The following TEX29 variants were observed in gnomAD, a reference collection of about 807,000 sequenced individuals.
TEX29 encodes testis expressed 29.
Under a neutral mutation model 18.2 loss-of-function variants are expected in TEX29, and 26 were observed. That is an observed-to-expected ratio of 1.43 (90% CI 1.04 to 1.98). The LOEUF (loss-of-function observed/expected upper bound fraction) is 1.98. TEX29 is among the 30% of genes most tolerant of loss of function. TEX29 has a pLI of 0.00. For synonymous variants in TEX29, 83 were observed against 78.5 expected (o/e 1.06, Z -0.31); for missense variants, 177 against 194.2 (o/e 0.91, Z 0.53).
chr13:111,340,010 G>A, intron 4 of TEX29, 78 bp downstream of exon 4: 1 of 1,367,862 alleles, frequency 7.3e-7, no homozygotes, highest in Non-Finnish European at 1.0e-6. Context: ...CTGCCTGCCT[G>A]GGCTCCTTCG....
At chr13:111,332,799 C>A (rs564588759) in intron 3 of TEX29, among the ~76,000 whole-genome samples, 1 of 151,850 alleles carries the variant, frequency 6.6e-6, no homozygotes, top group African/African-American at 2.4e-5. Flanking sequence ...TTTTCAAATT[C>A]TTTTTCTGCA....
At chr13:111,327,342 A>G (rs955161481) in intron 2 of TEX29, among the ~76,000 whole-genome samples, 4 of 152,236 alleles carry the variant, frequency 2.6e-5, no homozygotes, top group Non-Finnish European at 5.9e-5. Context: ...GGGCTCCTCA[A>G]GGGTCAAGAA....
At chr13:111,342,211 G>A (rs950461525) in intron 4 of TEX29, among the ~76,000 whole-genome samples, 20 of 152,184 alleles carry the variant, frequency 1.3e-4, no homozygotes, top group African/African-American at 4.6e-4. Context: ...GATTATTTGA[G>A]TCTCTTTGTC....
At chr13:111,328,406 T>A in intron 3 of TEX29, 113 bp downstream of exon 3, 1 of 728,018 alleles carries the variant, frequency 1.4e-6, no homozygotes, top group East Asian at 2.7e-5. Context: ...GGAAACACCT[T>A]TGTATTGTTC....
chr13:111,329,246 A>G (rs2093679036), intron 3 of TEX29, among the ~76,000 whole-genome samples: 1 of 152,110 alleles, frequency 6.6e-6, no homozygotes, highest in South Asian at 2.1e-4. Context: ...GGAACAGTGC[A>G]GCCCTTACCG....
At chr13:111,334,878 C>T (rs1222780659) in intron 3 of TEX29, among the ~76,000 whole-genome samples, 2 of 152,160 alleles carry the variant, frequency 1.3e-5, no homozygotes, top group African/African-American at 4.8e-5. Flanking sequence ...CTGTTCTGCC[C>T]GCTGCAGTGG....
At chr13:111,326,150 C>T (rs927233213) in intron 2 of TEX29, among the ~76,000 whole-genome samples, 10 of 149,256 alleles carry the variant, frequency 6.7e-5, no homozygotes, top group African/African-American at 9.9e-5. Context: ...GGTGGAAGAG[C>T]GTTCGGGCAT....
intron 3 of TEX29, among the ~76,000 whole-genome samples, chr13:111,328,709 C>G (rs529011330): frequency 6.6e-6 from 1 of 152,300 alleles, no homozygotes; most frequent in East Asian, 1.9e-4. Flanking sequence ...CGGACCTTGT[C>G]CACCAGGGGC....
At chr13:111,319,196 T>C (rs541233434), upstream of TEX29, among the ~76,000 whole-genome samples, 1 of 152,314 alleles carries the variant, frequency 6.6e-6, no homozygotes, top group African/African-American at 2.4e-5. Flanking sequence ...TCCCAGCGTG[T>C]GACCCGGCAA....
At chr13:111,328,890 C>G (rs550617024) in intron 3 of TEX29, among the ~76,000 whole-genome samples, 2 of 152,224 alleles carry the variant, frequency 1.3e-5, no homozygotes, top group Non-Finnish European at 2.9e-5. Flanking sequence ...CACTCCCCAT[C>G]CCCGTGAAGG....
At chr13:111,330,236 G>A (rs2093680650) in intron 3 of TEX29, among the ~76,000 whole-genome samples, 1 of 152,190 alleles carries the variant, frequency 6.6e-6, no homozygotes, top group African/African-American at 2.4e-5. Context: ...GAGATGAAAG[G>A]GATATTCTGG....
chr13:111,320,995 T>TGGGGGGGGGCAGCAGTG, intron 2 of TEX29, 47 bp downstream of exon 2: 1 of 320,864 alleles, frequency 3.1e-6, no homozygotes, highest in Non-Finnish European at 5.8e-6. Context: ...GGGGAGCAGT[T>TGGGGGGGGGCAGCAGTG]GGGGGGGGGC....
At position 111,328,169 on chromosome 13, in the gene TEX29, C is replaced by A; in HGVS notation, c.59-14C>A. 6.4e-7 allele frequency: 1 copy of A among 1,567,002 alleles called. No individual in the cohort carries two copies. The highest frequency in any genetic ancestry group is 8.8e-7 in the Non-Finnish European group (1 of 1,137,942). Reference sequence around the variant, plus strand: ...TTTCGGGGGTGACACTTGTGTATGTCTGTGCTTTTGCAGTGTGTGACGTTC... The same window carrying A: ...TTTCGGGGGTGACACTTGTGTATGTATGTGCTTTTGCAGTGTGTGACGTTC... On this transcript the variant is annotated splice_polypyrimidine_tract_variant and intron_variant, in intron 2 of 5. Coordinates refer to ENST00000283547, the MANE Select transcript of TEX29 (RefSeq NM_152324.3).
Position 111,339,933 on chromosome 13 carries a change from G to A in TEX29, c.239+1G>A. ...CCTTCGTCATCACCATCATCTACAG[G>A]TCGGTCCCTTTGTTCTTTACTGGGA... On this transcript the variant is annotated splice_donor_variant, in intron 4 of 5. Coordinates refer to ENST00000283547, the MANE Select transcript of TEX29 (RefSeq NM_152324.3). LOFTEE classifies it high-confidence loss of function. 1 of 1,609,238 alleles carries A rather than the reference G, an allele frequency of 6.2e-7. No homozygotes were observed. The highest frequency in any genetic ancestry group is 8.5e-7 in the Non-Finnish European group (1 of 1,176,200).
rs571032022 is a variant in TEX29 at position 111,343,589 on chromosome 13, T to A, written c.416-494T>A. Among the ~76,000 whole-genome samples, 10 of 152,326 alleles carry A rather than the reference T, an allele frequency of 6.6e-5. No individual in the cohort carries two copies. The South Asian group carries it at 2.1e-3, about 32-fold the overall frequency. On this transcript the variant is annotated intron_variant, in intron 5 of 5. Transcript: ENST00000283547. Reference sequence around the variant, plus strand: ...GGGGCCCTTGGAGGTTGCCGGTTGCTTTTCCTAGATCAGCACCTTGCCAGG... The same window carrying A: ...GGGGCCCTTGGAGGTTGCCGGTTGCATTTCCTAGATCAGCACCTTGCCAGG...
chr13:111,316,365 C>G, upstream of TEX29: 5 of 444,088 alleles, frequency 1.1e-5, no homozygotes, highest in South Asian at 7.9e-5. Context: ...CCTCTGCTGC[C>G]TCGTGGAGCC....
At chr13:111,333,478 C>A (rs1199791768) in intron 3 of TEX29, among the ~76,000 whole-genome samples, 3 of 152,146 alleles carry the variant, frequency 2.0e-5, no homozygotes, top group Non-Finnish European at 4.4e-5. Flanking sequence ...GATTGTTTTG[C>A]CTGCTCAAAT....
At chr13:111,320,992 AG>A in intron 2 of TEX29, 44 bp downstream of exon 2, 1 of 235,154 alleles carries the variant, frequency 4.3e-6, no homozygotes, top group Non-Finnish European at 7.6e-6. Context: ...GTGGGGGAGC[AG>A]TTGGGGGGGG....
upstream of TEX29, chr13:111,316,197 G>C (rs2153640889): frequency 4.0e-6 from 2 of 500,898 alleles, no homozygotes; most frequent in East Asian, 1.1e-4. Flanking sequence ...GAGTTCTCCT[G>C]GAAGAAGAAC....
Sources: allele counts gnomAD v4.1 joint callset (sites outside exome capture counted in the v4.1 genomes callset), GRCh38; gene constraint gnomAD v4.1.1; transcripts MANE v1.5; gene names NCBI Gene and HGNC (gene_info 2026-07-23, HGNC 2026-07-21).